MON1A: variants seen among roughly 807,000 people sequenced by gnomAD.
The protein encoded by MON1A is MON1 vesicular trafficking associated A, also known as vacuolar fusion protein MON1 homolog A.
A neutral mutation model predicts 44.6 loss-of-function variants in MON1A; 29 were observed. The ratio of observed to expected loss-of-function variants is 0.65; its 90% CI spans 0.48 to 0.89. The LOEUF (loss-of-function observed/expected upper bound fraction) is 0.89. MON1A is among the 40% of genes least tolerant of loss of function. The pLI, the probability that MON1A is intolerant of heterozygous loss-of-function variation, is 0.00. For missense variants in MON1A, 615 were observed against 759.6 expected (o/e 0.81, Z 2.24); for synonymous variants, 275 against 316.4 (o/e 0.87, Z 1.39).
chr3:49,916,443 A>C (rs764156188), intron 1 of MON1A: 2 of 152,198 alleles, frequency 1.3e-5, no homozygotes, highest in Non-Finnish European at 2.9e-5. Context: ...CTTTTGCAGA[A>C]GCTCCACGTG....
chr3:49,913,456 C>G, intron 1 of MON1A, 97 bp from the exon 2 acceptor site: 1 of 1,140,786 alleles, frequency 8.8e-7, no homozygotes, highest in Non-Finnish European at 1.2e-6. Context: ...TTTATCAGGA[C>G]TCCACTAACT....
At position 49,911,302 on chromosome 3, in the gene MON1A, G is replaced by A. The variant is rs1489321527; in HGVS notation, c.613+224C>T. ...AGGGGGATTCTCACTCTCTCCAAAG[G>A]CAAAGCCCATGTCAGAGGCAACTTT... On this transcript the variant is annotated intron_variant, in intron 3 of 5. Transcript: ENST00000296473. The surrounding 1 kb of genome is among the most constrained non-coding windows in gnomAD (Gnocchi z 5.7). Among the ~76,000 whole-genome samples, 3 of 150,242 alleles carry A rather than the reference G, an allele frequency of 2.0e-5. No homozygotes were observed. The highest frequency in any genetic ancestry group is 2.1e-4 in the South Asian group (1 of 4,768).
At chr3:49,926,261 A>G (rs1400338582) in intron 1 of MON1A, among the ~76,000 whole-genome samples, 3 of 151,788 alleles carry the variant, frequency 2.0e-5, no homozygotes, top group Non-Finnish European at 2.9e-5. Flanking sequence ...TTCCCCCTGC[A>G]CCCCACTTCA....
chr3:49,921,027 G>A (rs1277621429), intron 1 of MON1A, among the ~76,000 whole-genome samples: 3 of 150,940 alleles, frequency 2.0e-5, no homozygotes, highest in African/African-American at 7.3e-5. Flanking sequence ...GTGGTGGCAC[G>A]TGTCTGTGGT....
chr3:49,912,106 T>C (rs1575471593), intron 2 of MON1A, 95 bp from the exon 3 acceptor site: 2 of 1,426,798 alleles, frequency 1.4e-6, no homozygotes, highest in African/African-American at 2.9e-5. Context: ...CATGACTGCC[T>C]GTCTTGTTAG....
chr3:49,919,450 A>G (rs2082976917), intron 1 of MON1A, among the ~76,000 whole-genome samples: 1 of 152,144 alleles, frequency 6.6e-6, no homozygotes, highest in African/African-American at 2.4e-5. Flanking sequence ...TAAAAAATGG[A>G]TGCCAAATGC....
chr3:49,920,680 A>C (rs1273204900), intron 1 of MON1A: 1 of 152,042 alleles, frequency 6.6e-6, no homozygotes, highest in Admixed American at 6.6e-5. Flanking sequence ...TTTACTAAAA[A>C]TATGAAAATT....
Position 49,908,981 on chromosome 3 carries a change from T to C in MON1A, c.*33A>G, listed in dbSNP as rs1288822282. The C allele has an allele frequency of 1.3e-6, 2 of 1,581,298 alleles. No individual in the cohort carries two copies. Among genetic ancestry groups the C allele is most frequent in the Non-Finnish European group, 1.7e-6 (2 of 1,160,376 alleles). ...CTCCTATGGCTTCCCACACCTAGTGTGTCCAGGAAGGCTGAGCCCGCACAC... is the reference window on the plus strand; with the variant it reads ...CTCCTATGGCTTCCCACACCTAGTGCGTCCAGGAAGGCTGAGCCCGCACAC... On this transcript the variant is annotated 3_prime_UTR_variant, in exon 6 of 6. Coordinates refer to ENST00000296473, the MANE Select transcript of MON1A (RefSeq NM_032355.4).
intron 1 of MON1A, among the ~76,000 whole-genome samples, chr3:49,925,208 A>G (rs62262096): frequency 0.08 from 12,110 of 152,042 alleles, 532 homozygotes; most frequent in African/African-American, 0.11. Context: ...TCAACCTCCC[A>G]GGCCCAAGTG....
intron 2 of MON1A, 97 bp from the exon 3 acceptor site, chr3:49,912,108 T>A: frequency 7.1e-7 from 1 of 1,415,544 alleles, no homozygotes; most frequent in Non-Finnish European, 9.5e-7. Context: ...TGACTGCCTG[T>A]CTTGTTAGGA....
Position 49,919,373 on chromosome 3 carries a change from A to C in MON1A, c.-13-6014T>G, listed in dbSNP as rs192289768. ...TGTTGCCCTTTATAAAAAAACAAACAAACCCCCTCAAAATGGCAAATAATA... is the reference window on the plus strand; with the variant it reads ...TGTTGCCCTTTATAAAAAAACAAACCAACCCCCTCAAAATGGCAAATAATA... On this transcript the variant is annotated intron_variant, in intron 1 of 5. Transcript: ENST00000296473. Among the ~76,000 whole-genome samples the C allele has an allele frequency of 6.6e-3, 1,005 of 152,318 alleles. 18 individuals are homozygous for C. The highest frequency in any genetic ancestry group is 3.9e-3 in the Non-Finnish European group (266 of 68,016).
rs1340853377 is a variant in MON1A at position 49,908,936 on chromosome 3, G to A, written c.*78C>T. 6.0e-6 allele frequency: 9 copies of A among 1,508,052 alleles called. No homozygotes were observed. In the East Asian group the frequency reaches 6.9e-5, roughly 11 times the overall value. 93.4% of individuals were successfully genotyped at this position (1,508,052 alleles called of 1,614,324 possible). Reference sequence around the variant, plus strand: ...CCCTGCCCGCTGGCTGGGCAAGAGAGGCCAGCCCCCATCTGGAGGCTCCTA... The same window carrying A: ...CCCTGCCCGCTGGCTGGGCAAGAGAAGCCAGCCCCCATCTGGAGGCTCCTA... On this transcript the variant is annotated 3_prime_UTR_variant, in exon 6 of 6. Transcript: ENST00000296473.
chr3:49,929,461 C>T, intron 1 of MON1A, 148 bp downstream of exon 1: 1 of 929,586 alleles, frequency 1.1e-6, no homozygotes, highest in Non-Finnish European at 1.7e-6. Flanking sequence ...GACTAGCCGG[C>T]TGAGGGACCG....
chr3:49,912,581 G>C (rs988788179), intron 2 of MON1A: 2 of 170,710 alleles, frequency 1.2e-5, no homozygotes, highest in African/African-American at 4.8e-5. Flanking sequence ...CCTGTGTCTG[G>C]AGCACTGCCC....
chr3:49,909,846 G>C lies in MON1A; in HGVS notation c.1379+273C>G. The stretch of plus-strand genomic sequence containing the variant: ...GACCCCTAAAGTAGAGTTGCTCCAG[G>C]GCAAGGGACCCCGGAGACCTCTGTT... On this transcript the variant is annotated intron_variant, in intron 4 of 5. Transcript: ENST00000296473. This position sits in a 1 kb window ranked among gnomAD's most constrained non-coding sequence, Gnocchi z 4.0. 1 of 413,182 alleles carries C rather than the reference G, an allele frequency of 2.4e-6. No individual in the cohort carries two copies. The highest frequency in any genetic ancestry group is 4.3e-6 in the Non-Finnish European group (1 of 232,588). The allele number at this position is 413,182 out of a possible 1,614,324, so 25.6% of individuals were successfully genotyped here.
At chr3:49,928,808 C>T (rs186414003) in intron 1 of MON1A, among the ~76,000 whole-genome samples, 13 of 152,264 alleles carry the variant, frequency 8.5e-5, no homozygotes, top group Admixed American at 3.3e-4. Context: ...TCACTTCTGG[C>T]GGTTACTTCC....
Position 49,929,647 on chromosome 3 carries a change from G to A in MON1A, c.-52C>T, listed in dbSNP as rs1269167008. 7.1e-6 allele frequency: 11 copies of A among 1,551,470 alleles called. No individual in the cohort carries two copies. The highest frequency in any genetic ancestry group is 2.4e-5 in the South Asian group (2 of 84,044). On this transcript the variant is annotated 5_prime_UTR_variant, in exon 1 of 6. Coordinates refer to ENST00000296473, the MANE Select transcript of MON1A (RefSeq NM_032355.4). Reference sequence around the variant, plus strand: ...GAGTCCAGGACGCACAGAAGGTGCCGGTCACTGCCCTCTGCCGGACCCATG... The same window carrying A: ...GAGTCCAGGACGCACAGAAGGTGCCAGTCACTGCCCTCTGCCGGACCCATG...
chr3:49,927,148 G>A (rs2083059049), intron 1 of MON1A, among the ~76,000 whole-genome samples: 3 of 152,170 alleles, frequency 2.0e-5, no homozygotes, highest in African/African-American at 2.4e-5. Context: ...GATCTCTGAA[G>A]AATGCCCAGC....
At position 49,910,953 on chromosome 3, in the gene MON1A, G is replaced by A. The variant is rs2082871196; in HGVS notation, c.614-69C>T. On this transcript the variant is annotated intron_variant, in intron 3 of 5. Transcript: ENST00000296473. The surrounding 1 kb of genome is among the most constrained non-coding windows in gnomAD (Gnocchi z 8.0). ...CTCCCTCCGAAAACCGCCTTCCAGC[G>A]CAGCTCTTCGCTTTCCCCATCCTTT... 1 of 1,424,390 alleles carries A rather than the reference G, an allele frequency of 7.0e-7. No homozygotes were observed. The highest frequency in any genetic ancestry group is 9.5e-7 in the Non-Finnish European group (1 of 1,051,558). 88.2% of individuals were successfully genotyped at this position (1,424,390 alleles called of 1,614,324 possible).
Sources: allele counts gnomAD v4.1 joint callset (sites outside exome capture counted in the v4.1 genomes callset), GRCh38; gene constraint gnomAD v4.1.1; non-coding constraint Gnocchi (gnomAD v3.1); transcripts MANE v1.5; gene names NCBI Gene and HGNC (gene_info 2026-07-23, HGNC 2026-07-21).